The following MAN2A2 variants were observed in gnomAD, a reference collection of about 807,000 sequenced individuals.
MAN2A2 encodes the protein alpha-mannosidase 2x.
Under a neutral mutation model 126.8 loss-of-function variants are expected in MAN2A2, and 79 were observed. The ratio of observed to expected loss-of-function variants is 0.62; its 90% CI spans 0.52 to 0.75. The LOEUF is 0.75. Among genes scored for constraint, MAN2A2 ranks in the 30% least tolerant of loss-of-function variants. MAN2A2 has a pLI of 0.00. For missense variants in MAN2A2, 1,392 were observed against 1,522.4 expected (o/e 0.91, Z 1.43); for synonymous variants, 671 against 618.7 (o/e 1.08, Z -1.25).
Position 90,910,405 on chromosome 15 carries a change from A to T in MAN2A2, c.1578-96A>T, listed in dbSNP as rs1000356271. ...GATAGGCCCAGAGGCCAGGGCAGGTAGAGGAGGGGTGGGAAGGAAGGAGGC... is the reference window on the plus strand; with the variant it reads ...GATAGGCCCAGAGGCCAGGGCAGGTTGAGGAGGGGTGGGAAGGAAGGAGGC... On this transcript the variant is annotated intron_variant, in intron 10 of 22. Coordinates refer to ENST00000559717, the MANE Select transcript of MAN2A2 (RefSeq NM_006122.4). The T allele has an allele frequency of 3.2e-6, 5 of 1,562,560 alleles. No homozygotes were observed. In the African/African-American group the frequency reaches 6.8e-5, roughly 21 times the overall value.
At position 90,919,782 on chromosome 15, in the gene MAN2A2, G is replaced by A. The variant is rs753017838; in HGVS notation, c.3448G>A (p.Gly1150Ser). The change falls in exon 23 of 23, where the codon GGT (glycine) becomes AGT (serine). Residue 1150 changes from glycine (G) to serine (S), a missense_variant. Physicochemically the swap from Gly to Ser is moderately conservative, Grantham distance 56. Transcript: ENST00000559717. ...GATTGCTACCTTTCGCCTCCGCTTG[G>A]GTTAGGGCTTCTTGTGGCCTGAAGA... ...MEIATFRLRL[G>S] 6.8e-6 allele frequency: 11 copies of A among 1,613,956 alleles called. No homozygotes were observed. Among genetic ancestry groups the A allele is most frequent in the Middle Eastern group, 3.3e-4 (2 of 6,076 alleles).
chr15:90,917,950 C>T lies in MAN2A2; in HGVS notation c.2995-244C>T, dbSNP rs758142342. 3.1e-5 allele frequency: 16 copies of T among 517,670 alleles called. 1 individual carries two copies. Among genetic ancestry groups the T allele is most frequent in the South Asian group, 2.7e-4 (11 of 40,216 alleles). The allele number at this position is 517,670 out of a possible 1,614,324, so 32.1% of individuals were successfully genotyped here. ...GTTGCTCATGATAGTGTTATGTGAG[C>T]AAGGAACTAAAAAGTAGAGAAGAAA... On this transcript the variant is annotated intron_variant, in intron 20 of 22. Coordinates refer to ENST00000559717, the MANE Select transcript of MAN2A2 (RefSeq NM_006122.4).
Position 90,918,665 on chromosome 15 carries a change from G to A in MAN2A2, c.3210G>A (p.Ala1070=), listed in dbSNP as rs771647560. 23 of 1,519,728 alleles carry A rather than the reference G, an allele frequency of 1.5e-5. No homozygotes were observed. The highest frequency in any genetic ancestry group is 3.4e-5 in the South Asian group (3 of 89,126). The allele number at this position is 1,519,728 out of a possible 1,614,324, so 94.1% of individuals were successfully genotyped here. Residue 1070 remains alanine (A), a synonymous_variant, in exon 22 of 23, where the codon GCG becomes GCA. Coordinates refer to ENST00000559717, the MANE Select transcript of MAN2A2 (RefSeq NM_006122.4). ...TCCAGGAGGACACCCTACCCTCGGC[G>A]GAGACCGCACTCATCTTACACCGCA... ...LQAEEDTLPS[A]ETALILHRKG... is the part of the protein sequence containing the mutation.
chr15:90,914,554 C>G (rs1375801158), intron 19 of MAN2A2, among the ~76,000 whole-genome samples: 2 of 152,074 alleles, frequency 1.3e-5, no homozygotes, highest in African/African-American at 2.4e-5. Flanking sequence ...GAGTTTCACT[C>G]TTTCGCCCAG....
At chr15:90,918,791 G>A in intron 22 of MAN2A2, 36 bp downstream of exon 22, 1 of 1,406,238 alleles carries the variant, frequency 7.1e-7, no homozygotes, top group Non-Finnish European at 1.0e-6. Flanking sequence ...CCTAGGAATG[G>A]CAGGCATGAG....
chr15:90,915,870 G>C (rs531323984), intron 19 of MAN2A2: 3 of 468,748 alleles, frequency 6.4e-6, no homozygotes, highest in Non-Finnish European at 1.1e-5. Flanking sequence ...CAGAGCGTGG[G>C]GGGTAAACTG....
At chr15:90,915,841 G>A (rs746080574) in intron 19 of MAN2A2, among the ~76,000 whole-genome samples, 4 of 152,336 alleles carry the variant, frequency 2.6e-5, no homozygotes, top group East Asian at 1.9e-4. Flanking sequence ...CCCTAGGCCC[G>A]TTCCCTACTC....
rs1359877878 is a variant in MAN2A2, at chr15:90,905,367, G to C, written c.249G>C (p.Glu83Asp). The change falls in exon 3 of 23, where the codon GAG becomes GAC. Residue 83 changes from glutamate to aspartate, a missense_variant. Glu to Asp is a conservative substitution (Grantham distance 45). Coordinates refer to ENST00000559717, the MANE Select transcript of MAN2A2 (RefSeq NM_006122.4). ...TGCTGGAGCTGACAGCCAACGCAGAGGGCCCGCCCGCCATGCTGCCCTACT... is the reference window on the plus strand; with the variant it reads ...TGCTGGAGCTGACAGCCAACGCAGACGGCCCGCCCGCCATGCTGCCCTACT... ...DSVLELTANAEGPPAMLPYYT... is the reference protein window; with the variant it reads ...DSVLELTANADGPPAMLPYYT... 1.9e-6 allele frequency: 3 copies of C among 1,613,726 alleles called. No homozygotes were observed. In the African/African-American group the frequency reaches 4.0e-5, roughly 22 times the overall value.
At chr15:90,904,457 A>G in intron 2 of MAN2A2, 118 bp downstream of exon 2, 2 of 1,122,450 alleles carry the variant, frequency 1.8e-6, no homozygotes, top group Non-Finnish European at 2.5e-6. Flanking sequence ...TCAGTACAGG[A>G]CAGGAGCCTT....
At position 90,906,745 on chromosome 15, in the gene MAN2A2, A is replaced by C; in HGVS notation, c.841A>C (p.Thr281Pro). The change falls in exon 7 of 23, where the codon ACC (threonine) becomes CCC (proline). Residue 281 changes from threonine to proline, a missense_variant. Coordinates refer to ENST00000559717, the MANE Select transcript of MAN2A2 (RefSeq NM_006122.4). ...HQWLERNLGA[T>P]PRSGWAVDPF... Reference sequence around the variant, plus strand: ...GGCTTCCATGCCCTGCCCAGGTGCAACCCCCCGCTCTGGCTGGGCAGTGGA... The same window carrying C: ...GGCTTCCATGCCCTGCCCAGGTGCACCCCCCCGCTCTGGCTGGGCAGTGGA... The C allele has an allele frequency of 1.2e-6, 2 of 1,611,288 alleles. No individual in the cohort carries two copies. The highest frequency in any genetic ancestry group is 1.6e-4 in the Middle Eastern group (1 of 6,062).
Position 90,910,939 on chromosome 15 carries a change from C to T in MAN2A2, c.1853C>T (p.Pro618Leu). 6.2e-7 allele frequency: 1 copy of T among 1,614,038 alleles called. No individual in the cohort carries two copies. The highest frequency in any genetic ancestry group is 8.5e-7 in the Non-Finnish European group (1 of 1,179,940). ...GACAAGGAGACCTACCACTTTGACC[C>T]TGAGGCGCCCTTCCTCCAAGTGGTG... ...LGDKETYHFD[P>L]EAPFLQVDDT... The change falls in exon 12 of 23, where the codon CCT becomes CTT. Residue 618 changes from proline to leucine, a missense_variant. Pro to Leu is a moderately conservative substitution (Grantham distance 98, BLOSUM62 -3). Coordinates refer to ENST00000559717, the MANE Select transcript of MAN2A2 (RefSeq NM_006122.4).
At chr15:90,904,773 A>G (rs2034130282) in intron 2 of MAN2A2, among the ~76,000 whole-genome samples, 1 of 152,144 alleles carries the variant, frequency 6.6e-6, no homozygotes, top group African/African-American at 2.4e-5. Context: ...TATTTTTAGT[A>G]GAGACGAGAC....
In MAN2A2 at chr15:90,913,663, A is replaced by G. The variant is rs1262950101; in HGVS notation, c.2768A>G (p.Tyr923Cys). Residue 923 changes from tyrosine (Y) to cysteine (C), a missense_variant, in exon 19 of 23, where the codon TAC becomes TGC. Physicochemically the swap from Tyr to Cys is radical, Grantham distance 194. Coordinates refer to ENST00000559717, the MANE Select transcript of MAN2A2 (RefSeq NM_006122.4). The part of the protein sequence containing the change: ...LKKLPLQANF[Y>C]PMPVMAYIQD... ...AAGCTCCCCCTCCAGGCCAACTTCT[A>G]CCCCATGCCAGTCATGGCCTATATC... 6.2e-7 allele frequency: 1 copy of G among 1,611,864 alleles called. No individual in the cohort carries two copies. The highest frequency in any genetic ancestry group is 8.5e-7 in the Non-Finnish European group (1 of 1,179,248).
chr15:90,909,824 C>T (rs563822758), intron 9 of MAN2A2, among the ~76,000 whole-genome samples: 32 of 152,280 alleles, frequency 2.1e-4, no homozygotes, highest in African/African-American at 6.3e-4. Context: ...AGGGTGGTCT[C>T]GATCTCCTGA....
rs1214835916 is a variant in MAN2A2, at chr15:90,912,411, C to T, written c.2347-131C>T. ...ACCCACAGTGGACCGGGGCCTGGGC[C>T]ATCTCAGCTCCAGCCTGACAGCATG... On this transcript the variant is annotated intron_variant, in intron 15 of 22. Coordinates refer to ENST00000559717, the MANE Select transcript of MAN2A2 (RefSeq NM_006122.4). 3.1e-5 allele frequency: 48 copies of T among 1,572,124 alleles called. No homozygotes were observed. The East Asian group carries it at 8.5e-4, about 28-fold the overall frequency.
At chr15:90,904,555 T>C (rs904947694) in intron 2 of MAN2A2, among the ~76,000 whole-genome samples, 2 of 151,432 alleles carry the variant, frequency 1.3e-5, no homozygotes, top group Non-Finnish European at 2.9e-5. Context: ...TCAATGGCAA[T>C]GAGTATTGTC....
intron 12 of MAN2A2, 60 bp from the exon 13 acceptor site, chr15:90,911,111 G>T: frequency 6.3e-7 from 1 of 1,577,528 alleles, no homozygotes; most frequent in Non-Finnish European, 8.7e-7. Context: ...CCTGGGACAG[G>T]TGGGGTGGGA....
In MAN2A2 at chr15:90,921,035, C is replaced by T. The variant is rs550987776; in HGVS notation, c.*1248C>T. On this transcript the variant is annotated 3_prime_UTR_variant, in exon 23 of 23. Coordinates refer to ENST00000559717, the MANE Select transcript of MAN2A2 (RefSeq NM_006122.4). ...GATGGCATTCTAAAGAGTCAGACGCCACAGGCATTCCCATTAAAGTCAGAA... is the reference window on the plus strand; with the variant it reads ...GATGGCATTCTAAAGAGTCAGACGCTACAGGCATTCCCATTAAAGTCAGAA... 6.6e-6 allele frequency: 1 copy of T among 152,278 alleles called. No individual in the cohort carries two copies. The highest frequency in any genetic ancestry group is 2.1e-4 in the South Asian group (1 of 4,824). The allele number at this position is 152,278 out of a possible 1,614,324, so 9.4% of individuals were successfully genotyped here.
intron 2 of MAN2A2, among the ~76,000 whole-genome samples, chr15:90,904,747 G>T (rs1334582259): frequency 6.6e-6 from 1 of 152,078 alleles, no homozygotes; most frequent in African/African-American, 2.4e-5. Context: ...CTGCCACCAT[G>T]CCCGACTAAT....
Sources: allele counts gnomAD v4.1 joint callset (sites outside exome capture counted in the v4.1 genomes callset), GRCh38; gene constraint gnomAD v4.1.1; transcripts MANE v1.5; gene names NCBI Gene and HGNC (gene_info 2026-07-23, HGNC 2026-07-21).